FARS2: variants seen among roughly 807,000 people sequenced by gnomAD.
FARS2 encodes the protein phenylalanine--tRNA ligase, mitochondrial.
In FARS2, 40 loss-of-function variants were observed where a neutral mutation model predicts 46.4. The ratio of observed to expected loss-of-function variants is 0.86; its 90% CI spans 0.67 to 1.12. The LOEUF (loss-of-function observed/expected upper bound fraction) is 1.12, where lower values mean the gene tolerates loss of function less well. Ranked by LOEUF, FARS2 falls within the 50% of genes most tolerant of loss-of-function variation. The pLI is 0.00. For missense variants in FARS2, 513 were observed against 567.9 expected (o/e 0.90, Z 0.98); for synonymous variants, 234 against 214.9 (o/e 1.09, Z -0.78).
At chr6:5,742,743 A>C (rs555045025) in intron 6 of FARS2, among the ~76,000 whole-genome samples, 4 of 152,220 alleles carry the variant, frequency 2.6e-5, no homozygotes, top group Non-Finnish European at 5.9e-5. Context: ...AACAAGGAAA[A>C]ATCATCAGGT....
At position 5,409,706 on chromosome 6, in the gene FARS2, C is replaced by T. The variant is rs6910467; in HGVS notation, c.772+5005C>T. Among the ~76,000 whole-genome samples the T allele has an allele frequency of 4.9e-3, 740 of 152,330 alleles. 7 individuals are homozygous for T. Among genetic ancestry groups the T allele is most frequent in the African/African-American group, 0.017 (703 of 41,568 alleles). ...ATAATACATGTTGGTTCACACGCAT[C>T]AGAATCTATCTGGGAAGAAAGCCTT... On this transcript the variant is annotated intron_variant, in intron 3 of 6. Coordinates refer to ENST00000274680, the MANE Select transcript of FARS2 (RefSeq NM_006567.5).
intron 4 of FARS2, among the ~76,000 whole-genome samples, chr6:5,477,675 G>T (rs1014307466): frequency 5.9e-5 from 9 of 152,124 alleles, no homozygotes; most frequent in Non-Finnish European, 1.3e-4. Flanking sequence ...AATTTTGTGT[G>T]TGTAATTAAC....
intron 5 of FARS2, among the ~76,000 whole-genome samples, chr6:5,562,510 C>T (rs1237767557): frequency 1.3e-5 from 2 of 152,128 alleles, no homozygotes; most frequent in African/African-American, 2.4e-5. Flanking sequence ...ATCTCCTTAA[C>T]ATTCAGGTTT....
At chr6:5,753,408 G>GCA (rs888237613) in intron 6 of FARS2, among the ~76,000 whole-genome samples, 2 of 152,152 alleles carry the variant, frequency 1.3e-5, no homozygotes, top group African/African-American at 4.8e-5. Context: ...AGATCCCTCT[G>GCA]CAGCTTTCTC....
At chr6:5,264,795 G>A (rs1028468609) in intron 1 of FARS2, among the ~76,000 whole-genome samples, 1 of 151,976 alleles carries the variant, frequency 6.6e-6, no homozygotes, top group Non-Finnish European at 1.5e-5. Flanking sequence ...CTAGATAAGC[G>A]AAACAATAAT....
intron 4 of FARS2, among the ~76,000 whole-genome samples, chr6:5,524,942 A>C (rs1030714356): frequency 9.9e-5 from 15 of 152,194 alleles, no homozygotes; most frequent in African/African-American, 3.4e-4. Context: ...GTGACTCTAC[A>C]GTAGCTTTTT....
intron 1 of FARS2, among the ~76,000 whole-genome samples, chr6:5,341,182 T>G (rs1332344273): frequency 2.8e-5 from 3 of 106,956 alleles, no homozygotes; most frequent in Admixed American, 1.1e-4. Context: ...TCTGTGGCCA[T>G]GGGGAGATAT....
intron 4 of FARS2, among the ~76,000 whole-genome samples, chr6:5,503,399 CACACACAGAGAGAG>C (rs1050090619): frequency 9.5e-5 from 9 of 94,946 alleles, no homozygotes; most frequent in South Asian, 3.2e-4. Flanking sequence ...CACACACACA[CACACACAGAGAGAG>C]AGAGAGAGAG....
intron 4 of FARS2, among the ~76,000 whole-genome samples, chr6:5,443,293 A>T (rs1016430743): frequency 2.6e-5 from 4 of 152,236 alleles, no homozygotes; most frequent in African/African-American, 9.6e-5. Context: ...AAGAAATGGA[A>T]TTTGGCAAAG....
At chr6:5,517,923 G>C (rs147230866) in intron 4 of FARS2, among the ~76,000 whole-genome samples, 1,935 of 152,316 alleles carry the variant, frequency 0.013, 39 homozygotes, top group African/African-American at 0.044. Context: ...GGCTGTGCTA[G>C]AACATAACTC....
At chr6:5,415,644 A>T (rs977887320) in intron 3 of FARS2, among the ~76,000 whole-genome samples, 10 of 152,004 alleles carry the variant, frequency 6.6e-5, no homozygotes, top group African/African-American at 2.2e-4. Flanking sequence ...GTTGATAATG[A>T]TGCTGAATAT....
chr6:5,638,231 A>T (rs1372398186), intron 6 of FARS2, among the ~76,000 whole-genome samples: 2 of 152,232 alleles, frequency 1.3e-5, no homozygotes, highest in African/African-American at 4.8e-5. Context: ...CAGGTACTGG[A>T]GGCTTGCAGA....
intron 1 of FARS2, among the ~76,000 whole-genome samples, chr6:5,322,592 G>A (rs1456726797): frequency 6.6e-6 from 1 of 152,084 alleles, no homozygotes; most frequent in Non-Finnish European, 1.5e-5. Flanking sequence ...TTTCCTTTTG[G>A]TTATAATAGG....
intron 4 of FARS2, among the ~76,000 whole-genome samples, chr6:5,527,092 A>G (rs554716959): frequency 7.2e-5 from 11 of 152,386 alleles, no homozygotes; most frequent in African/African-American, 2.6e-4. Flanking sequence ...AGATATACAT[A>G]AAAGTTATTC....
chr6:5,377,114 A>G (rs2432748), intron 2 of FARS2, among the ~76,000 whole-genome samples: 123,499 of 152,280 alleles, frequency 0.81, 50,687 homozygotes, highest in African/African-American at 0.91. Flanking sequence ...AAGAATGGTG[A>G]ATTTCAAGTA....
upstream of FARS2, among the ~76,000 whole-genome samples, chr6:5,256,490 G>GAAAAAAAAAAAAAAAAAAA (rs777995486): frequency 3.2e-4 from 12 of 37,520 alleles, 4 homozygotes; most frequent in Admixed American, 7.2e-4. Flanking sequence ...GATTTCAACT[G>GAAAAAAAAAAAAAAAAAAA]GAAAAAAAAA....
At chr6:5,544,151 C>T (rs1770806754) in intron 4 of FARS2, among the ~76,000 whole-genome samples, 1 of 152,176 alleles carries the variant, frequency 6.6e-6, no homozygotes, top group Non-Finnish European at 1.5e-5. Context: ...GCTGCTGGTG[C>T]CTCTCTGAGC....
rs55998904 is a variant in FARS2, at chr6:5,353,726, GTTTT to G, written c.-21-14805_-21-14802del. The stretch of plus-strand genomic sequence containing the variant: ...CTGTTTTTAAATTGTAATATTTGGT[GTTTT>G]TTTTTTTTTTTTTTTTTTGCTATTG... On this transcript the variant is annotated intron_variant, in intron 1 of 6. Coordinates refer to ENST00000274680, the MANE Select transcript of FARS2 (RefSeq NM_006567.5). Among the ~76,000 whole-genome samples the G allele has an allele frequency of 3.2e-4, 13 of 40,388 alleles. No homozygotes were observed. In the East Asian group the frequency reaches 6.4e-3, roughly 20 times the overall value. 26.5% of individuals were successfully genotyped at this position (40,388 alleles called of 152,430 possible).
At chr6:5,721,956 A>T (rs1759935726) in intron 6 of FARS2, among the ~76,000 whole-genome samples, 1 of 152,252 alleles carries the variant, frequency 6.6e-6, no homozygotes, top group South Asian at 2.1e-4. Flanking sequence ...TGTGTTTCCC[A>T]CTGAGTCACA....
Sources: allele counts gnomAD v4.1 joint callset (sites outside exome capture counted in the v4.1 genomes callset), GRCh38; gene constraint gnomAD v4.1.1; transcripts MANE v1.5; gene names NCBI Gene and HGNC (gene_info 2026-07-23, HGNC 2026-07-21).